Variants in OPHN1 observed in about 807,000 individuals in gnomAD.
The protein encoded by OPHN1 is oligophrenin-1.
In OPHN1, 11 loss-of-function variants were observed where a neutral mutation model predicts 60.7. The ratio of observed to expected loss-of-function variants is 0.18; its 90% confidence interval spans 0.11 to 0.30. OPHN1 has a LOEUF of 0.30. Among genes scored for constraint, OPHN1 ranks in the 10% least tolerant of loss-of-function variants. The pLI, the probability that OPHN1 is intolerant of heterozygous loss-of-function variation, is 1.00. For synonymous variants in OPHN1, 226 were observed against 222.6 expected, an observed-to-expected ratio of 1.02 and a Z score of -0.14; for missense variants, 449 against 611.0, an observed-to-expected ratio of 0.73 and a Z score of 2.80.
chrX:68,368,351 C>G (rs1303029143), intron 2 of OPHN1, among the ~76,000 whole-genome samples: 2 of 110,977 alleles, frequency 1.8e-5, no homozygotes, highest in Non-Finnish European at 3.8e-5. Context: ...GGCAACATAG[C>G]AAGACCTCAT....
chrX:68,251,029 T>A (rs2077831298), intron 5 of OPHN1, among the ~76,000 whole-genome samples: 1 of 110,328 alleles, frequency 9.1e-6, no homozygotes, highest in African/African-American at 3.3e-5. Context: ...CTTCCTATTA[T>A]GATTTTGGCC....
chrX:68,412,032 G>A (rs2078771826), intron 2 of OPHN1, among the ~76,000 whole-genome samples: 1 of 111,619 alleles, frequency 9.0e-6, no homozygotes, highest in South Asian at 3.7e-4. Context: ...CTGGCTAGCA[G>A]AAGTGGTCTT....
At chrX:68,163,610 G>T (rs111697892) in intron 15 of OPHN1, among the ~76,000 whole-genome samples, 2,111 of 111,260 alleles carry the variant, frequency 0.019, 33 homozygotes, top group Non-Finnish European at 0.03. Context: ...CCAGAAGAGG[G>T]ATTGCTGAGT....
intron 10 of OPHN1, among the ~76,000 whole-genome samples, chrX:68,206,361 G>A (rs974538939): frequency 6.3e-5 from 7 of 111,440 alleles, no homozygotes; most frequent in African/African-American, 2.0e-4. Context: ...AAAGACTACC[G>A]GCACTTTCAA....
At chrX:68,372,397 A>G (rs1308894374) in intron 2 of OPHN1, among the ~76,000 whole-genome samples, 1 of 111,514 alleles carries the variant, frequency 9.0e-6, no homozygotes, top group Non-Finnish European at 1.9e-5. Flanking sequence ...CAAATGGTCA[A>G]AATCAAAAAT....
At chrX:68,383,233 T>C (rs771396017) in intron 2 of OPHN1, among the ~76,000 whole-genome samples, 28 of 110,926 alleles carry the variant, frequency 2.5e-4, no homozygotes, top group Non-Finnish European at 4.7e-4. Flanking sequence ...ACCTCTCATC[T>C]CAGACCAAGT....
intron 23 of OPHN1, among the ~76,000 whole-genome samples, chrX:68,050,841 C>T (rs555461895): frequency 2.7e-5 from 3 of 112,498 alleles, no homozygotes; most frequent in Non-Finnish European, 3.8e-5. Flanking sequence ...AGACTCTCTT[C>T]GTCTCCCTTC....
chrX:68,093,283 CT>C (rs2077025367), intron 19 of OPHN1, among the ~76,000 whole-genome samples: 1 of 111,738 alleles, frequency 8.9e-6, no homozygotes, highest in Non-Finnish European at 1.9e-5. Flanking sequence ...GGACAAGTCA[CT>C]TAACTTCTCT....
chrX:68,195,051 GAAGGAAGGAAGGAAGA>G lies in OPHN1; in HGVS notation c.1105-569_1105-554del, dbSNP rs1308343817. Among the ~76,000 whole-genome samples the G allele has an allele frequency of 3.9e-3, 380 of 97,087 alleles. 8 individuals carry two copies. The highest frequency in any genetic ancestry group is 0.016 in the African/African-American group (357 of 22,917). 84.3% of individuals were successfully genotyped at this position (97,087 alleles called of 115,157 possible). On this transcript the variant is annotated intron_variant, in intron 12 of 24. Transcript: ENST00000355520. ...GGAAGGAAGGAAGGAAGGAAGGAAGGAAGGAAGGAAGGAAGAAAGAAAGAAAATACTTGAACAATCC... is the reference window on the plus strand; with the variant it reads ...GGAAGGAAGGAAGGAAGGAAGGAAGGAAGAAAGAAAATACTTGAACAATCC...
At chrX:68,133,768 G>C (rs776537855) in intron 15 of OPHN1, among the ~76,000 whole-genome samples, 1 of 112,045 alleles carries the variant, frequency 8.9e-6, no homozygotes, top group African/African-American at 3.2e-5. Context: ...AGTTCTGTAA[G>C]AAGTGTGTAT....
chrX:68,262,022 G>A lies in OPHN1; in HGVS notation c.384+12716C>T, dbSNP rs1300021619. Among the ~76,000 whole-genome samples the A allele has an allele frequency of 2.7e-5, 3 of 111,510 alleles. No individual in the cohort carries two copies. In the Admixed American group the frequency reaches 2.9e-4, roughly 11 times the overall value. ...TCATCTTACAAAGCTAGAGTCAAAA[G>A]TTGATGAAATAAGAAATAAGAGTTT... is the stretch of plus-strand genomic sequence containing the variant. On this transcript the variant is annotated intron_variant, in intron 5 of 24. Coordinates refer to ENST00000355520, the MANE Select transcript of OPHN1 (RefSeq NM_002547.3).
At chrX:68,128,362 T>C (rs1292978468) in intron 15 of OPHN1, among the ~76,000 whole-genome samples, 1 of 111,530 alleles carries the variant, frequency 9.0e-6, no homozygotes, top group Non-Finnish European at 1.9e-5. Context: ...GACCTATTGA[T>C]AATGTTTTTA....
rs1042565401 is a variant in OPHN1 at position 68,363,116 on chromosome X, C to T, written c.155-64020G>A. Among the ~76,000 whole-genome samples, 4 of 108,829 alleles carry T rather than the reference C, an allele frequency of 3.7e-5. No individual in the cohort carries two copies. The Admixed American group carries it at 4.0e-4, about 11-fold the overall frequency. 94.5% of individuals were successfully genotyped at this position (108,829 alleles called of 115,157 possible). ...TACAAAAATTAGCCAGGCACGGTGG[C>T]GCGTGCCTGTAGTCCAAGCTAGTCA... On this transcript the variant is annotated intron_variant, in intron 2 of 24. Transcript: ENST00000355520.
chrX:68,268,118 C>G (rs1401044119), intron 5 of OPHN1, among the ~76,000 whole-genome samples: 1 of 110,895 alleles, frequency 9.0e-6, no homozygotes, highest in Non-Finnish European at 1.9e-5. Flanking sequence ...GTACAGAATA[C>G]AGAGGTACAG....
At chrX:68,312,100 ATTTT>A (rs112240586) in intron 2 of OPHN1, among the ~76,000 whole-genome samples, 1 of 92,231 alleles carries the variant, frequency 1.1e-5, no homozygotes, top group Admixed American at 1.2e-4. Context: ...ATTATATTCT[ATTTT>A]TTTTTTTTTT....
intron 2 of OPHN1, among the ~76,000 whole-genome samples, chrX:68,333,397 G>C (rs971270504): frequency 1.8e-5 from 2 of 110,606 alleles, no homozygotes; most frequent in African/African-American, 3.3e-5. Flanking sequence ...AGCACTTTGA[G>C]AGGCCGAGCA....
chrX:68,327,095 GC>G, intron 2 of OPHN1, among the ~76,000 whole-genome samples: 1 of 15,798 alleles, frequency 6.3e-5, no homozygotes, highest in Non-Finnish European at 8.7e-5. Flanking sequence ...CTGCCCGGCC[GC>G]CCCTACTGGG....
intron 3 of OPHN1, among the ~76,000 whole-genome samples, chrX:68,297,245 C>T (rs941579593): frequency 9.0e-6 from 1 of 111,693 alleles, no homozygotes; most frequent in African/African-American, 3.3e-5. Flanking sequence ...CATTTAGACA[C>T]TATGCACACT....
intron 5 of OPHN1, among the ~76,000 whole-genome samples, chrX:68,245,543 T>C (rs2077801566): frequency 8.9e-6 from 1 of 111,781 alleles, no homozygotes; most frequent in African/African-American, 3.3e-5. Context: ...TGAGACCAAG[T>C]CTACAATGAG....
Sources: allele counts gnomAD v4.1 joint callset (sites outside exome capture counted in the v4.1 genomes callset), GRCh38; gene constraint gnomAD v4.1.1; transcripts MANE v1.5; gene names NCBI Gene and HGNC (gene_info 2026-07-23, HGNC 2026-07-21).